Variants in GAB2 observed in about 807,000 individuals in gnomAD.
The protein encoded by GAB2 is GRB2 associated binding protein 2.
GAB2 carries 26 observed loss-of-function variants against 65.5 expected under a neutral mutation model. That is an observed-to-expected ratio of 0.40 (90% CI 0.29 to 0.55). The LOEUF (loss-of-function observed/expected upper bound fraction) is 0.55, where lower values mean the gene tolerates loss of function less well. Ranked by LOEUF, GAB2 falls within the 20% of genes least tolerant of loss-of-function variation. The pLI is 0.53. For synonymous variants in GAB2, 321 were observed against 329.6 expected (o/e 0.97, Z 0.28); for missense variants, 884 against 875.8 (o/e 1.01, Z -0.12).
At chr11:78,229,709 A>G (rs1295886790) in intron 3 of GAB2, among the ~76,000 whole-genome samples, 3 of 152,104 alleles carry the variant, frequency 2.0e-5, no homozygotes, top group East Asian at 3.9e-4. Flanking sequence ...GTTTATCCCA[A>G]CTCATCTCAC....
At chr11:78,415,380 G>A (rs1279898345) in intron 1 of GAB2, among the ~76,000 whole-genome samples, 1 of 152,158 alleles carries the variant, frequency 6.6e-6, no homozygotes, top group African/African-American at 2.4e-5. Context: ...TCCAAGCTTG[G>A]TTCTAATGAA....
intron 9 of GAB2, 80 bp downstream of exon 9, chr11:78,220,239 T>G: frequency 1.3e-6 from 2 of 1,510,674 alleles, no homozygotes; most frequent in Non-Finnish European, 1.8e-6. Flanking sequence ...TGTTCAGTGT[T>G]GAAGGCACCC....
rs775714252 is a variant in GAB2 at position 78,219,319 on chromosome 11, T to C, written c.1984A>G (p.Thr662Ala). 6.2e-7 allele frequency: 1 copy of C among 1,613,930 alleles called. No homozygotes were observed. The highest frequency in any genetic ancestry group is 1.3e-5 in the African/African-American group (1 of 75,030). The change falls in exon 10 of 10, where the codon ACA becomes GCA. Residue 662 changes from threonine (T) to alanine (A), a missense_variant. Thr to Ala is a moderately conservative substitution (Grantham distance 58). Coordinates refer to ENST00000361507, the MANE Select transcript of GAB2 (RefSeq NM_080491.3). ...GGCTCTGAGGACTGCCGCACGTCTG[T>C]CCACTCCTGCATGGTGTTCTGCAGG... ...QALQNTMQEW[T>A]DVRQSSEPSK...
At chr11:78,324,790 A>C (rs1025367843) in intron 1 of GAB2, 1 of 152,222 alleles carries the variant, frequency 6.6e-6, no homozygotes, top group East Asian at 1.9e-4. Context: ...AAGACCATAC[A>C]AGGTAAGAAT....
chr11:78,326,671 G>A (rs1270628363), intron 1 of GAB2, among the ~76,000 whole-genome samples: 1 of 152,202 alleles, frequency 6.6e-6, no homozygotes, highest in Non-Finnish European at 1.5e-5. Context: ...ATGAGGTCAA[G>A]GATAACAGTT....
intron 3 of GAB2, among the ~76,000 whole-genome samples, chr11:78,248,304 G>A (rs990334518): frequency 4.6e-5 from 7 of 152,142 alleles, no homozygotes; most frequent in African/African-American, 7.2e-5. Context: ...TCTCTGATGC[G>A]TCAGCAGGAT....
At chr11:78,222,221 A>C (rs1484855165) in intron 6 of GAB2, 26 bp from the exon 7 acceptor site, 1 of 1,473,676 alleles carries the variant, frequency 6.8e-7, no homozygotes, top group Admixed American at 1.7e-5. Context: ...AAAGTCTGGT[A>C]ATCAGCCAGT....
rs1215016911 is a variant in GAB2 at position 78,250,270 on chromosome 11, C to G, written c.507G>C (p.Leu169=). ...TTGACACAGGGGGTTCAAACGTGAA[C>G]AGAGTTGGCTGGCTGGAGTGTGATG... is the stretch of plus-strand genomic sequence containing the variant. The part of the protein sequence containing the change: ...SAPSHSSQPT[L]FTFEPPVSNH... The change falls in exon 3 of 10, where the codon CTG becomes CTC. Residue 169 remains leucine (L), a synonymous_variant. Transcript: ENST00000361507. 3 of 1,613,376 alleles carry G rather than the reference C, an allele frequency of 1.9e-6. No homozygotes were observed. Among genetic ancestry groups the G allele is most frequent in the Non-Finnish European group, 2.5e-6 (3 of 1,179,932 alleles).
chr11:78,262,037 C>T (rs1043777045), intron 2 of GAB2, among the ~76,000 whole-genome samples: 3 of 152,176 alleles, frequency 2.0e-5, no homozygotes, highest in Admixed American at 6.5e-5. Flanking sequence ...AAAACAGAAG[C>T]GTCAGACTTA....
chr11:78,363,203 C>T (rs912516031), intron 1 of GAB2, among the ~76,000 whole-genome samples: 1 of 152,196 alleles, frequency 6.6e-6, no homozygotes, highest in Non-Finnish European at 1.5e-5. Flanking sequence ...GACCAGTATT[C>T]AAACACAGAA....
intron 1 of GAB2, among the ~76,000 whole-genome samples, chr11:78,401,209 T>C (rs964270654): frequency 1.7e-4 from 26 of 152,158 alleles, no homozygotes; most frequent in African/African-American, 4.8e-4. Flanking sequence ...TACATTCACA[T>C]TGCTGTTGCC....
At chr11:78,241,417 T>A (rs1865130548) in intron 3 of GAB2, among the ~76,000 whole-genome samples, 2 of 151,786 alleles carry the variant, frequency 1.3e-5, no homozygotes, top group South Asian at 4.1e-4. Flanking sequence ...GAAGGAAATA[T>A]AACACCAAAA....
intron 1 of GAB2, among the ~76,000 whole-genome samples, chr11:78,390,273 AG>A (rs1856818400): frequency 6.6e-6 from 1 of 152,240 alleles, no homozygotes; most frequent in South Asian, 2.1e-4. Context: ...CTATAAACAA[AG>A]GATTTCTCAC....
At chr11:78,304,035 A>C (rs1855296150) in intron 1 of GAB2, among the ~76,000 whole-genome samples, 2 of 151,944 alleles carry the variant, frequency 1.3e-5, no homozygotes, top group African/African-American at 4.8e-5. Context: ...TATTTAAATT[A>C]TATATTTAAA....
intron 2 of GAB2, among the ~76,000 whole-genome samples, chr11:78,277,577 A>G (rs1260983051): frequency 4.6e-5 from 7 of 152,232 alleles, no homozygotes; most frequent in Non-Finnish European, 1.0e-4. Flanking sequence ...GTCGAGTTTA[A>G]CTGGTATTTG....
intron 1 of GAB2, among the ~76,000 whole-genome samples, chr11:78,391,075 T>C (rs533331535): frequency 2.0e-5 from 3 of 152,282 alleles, no homozygotes; most frequent in South Asian, 2.1e-4. Context: ...ATAAATGTTA[T>C]TGTGGCAGTT....
chr11:78,266,624 C>T (rs1186833053), intron 2 of GAB2, among the ~76,000 whole-genome samples: 1 of 152,198 alleles, frequency 6.6e-6, no homozygotes, highest in Non-Finnish European at 1.5e-5. Context: ...GTAGTTATAT[C>T]TTGGCACGGA....
chr11:78,410,340 C>A (rs1442294576), intron 1 of GAB2, among the ~76,000 whole-genome samples: 1 of 152,112 alleles, frequency 6.6e-6, no homozygotes, highest in East Asian at 1.9e-4. Context: ...CCTGTCTCTA[C>A]TAAAAATACA....
intron 1 of GAB2, among the ~76,000 whole-genome samples, chr11:78,416,494 G>A (rs187323912): frequency 1.3e-5 from 2 of 152,346 alleles, no homozygotes; most frequent in Non-Finnish European, 2.9e-5. Context: ...AGCTGACAGA[G>A]GGCAGGGTCT....
Sources: allele counts gnomAD v4.1 joint callset (sites outside exome capture counted in the v4.1 genomes callset), GRCh38; gene constraint gnomAD v4.1.1; transcripts MANE v1.5; gene names NCBI Gene and HGNC (gene_info 2026-07-23, HGNC 2026-07-21).